The following CYTH3 variants were observed in gnomAD, a reference collection of about 807,000 sequenced individuals.
CYTH3 encodes the protein cytohesin 3, also known as cytohesin-3.
A neutral mutation model predicts 55.1 loss-of-function variants in CYTH3; 23 were observed. That is an observed-to-expected ratio of 0.42 (90% CI 0.30 to 0.59). The LOEUF (loss-of-function observed/expected upper bound fraction) is 0.59, where lower values mean the gene tolerates loss of function less well. Among genes scored for constraint, CYTH3 ranks in the 20% least tolerant of loss-of-function variants. The pLI is 0.20. For synonymous variants in CYTH3, 249 were observed against 194.9 expected (o/e 1.28, Z -2.31); for missense variants, 413 against 524.8 (o/e 0.79, Z 2.08).
At chr7:6,184,228 T>C (rs1783581888) in intron 4 of CYTH3, among the ~76,000 whole-genome samples, 1 of 151,264 alleles carries the variant, frequency 6.6e-6, no homozygotes, top group Non-Finnish European at 1.5e-5. Context: ...ACCCGGCTAA[T>C]TTTTTGTATT....
intron 2 of CYTH3, among the ~76,000 whole-genome samples, chr7:6,189,962 G>A (rs1052564994): frequency 1.1e-4 from 16 of 152,134 alleles, no homozygotes; most frequent in Non-Finnish European, 1.8e-4. Context: ...CGTGAACCCA[G>A]GAGGCAAAGG....
At chr7:6,218,692 C>T (rs889835669) in intron 1 of CYTH3, among the ~76,000 whole-genome samples, 3 of 152,110 alleles carry the variant, frequency 2.0e-5, no homozygotes, top group African/African-American at 4.8e-5. Flanking sequence ...TTAAACAGAT[C>T]ACAGAAATGT....
At chr7:6,182,394 G>A (rs1180705307) in intron 4 of CYTH3, among the ~76,000 whole-genome samples, 1 of 152,164 alleles carries the variant, frequency 6.6e-6, no homozygotes, top group African/African-American at 2.4e-5. Flanking sequence ...TGTTGCCCAG[G>A]CTAGAGTGCA....
At position 6,259,795 on chromosome 7, in the gene CYTH3, ATATATAT is replaced by A. The variant is rs1363988005; in HGVS notation, c.34+12672_34+12678del. ...TATTATATATATATAATATATATAT[ATATATAT>A]ATATATATATAATATATATATATAT... On this transcript the variant is annotated intron_variant, in intron 1 of 12. Transcript: ENST00000350796. Among the ~76,000 whole-genome samples the A allele has an allele frequency of 1.9e-3, 28 of 14,624 alleles. 4 individuals carry two copies. Among genetic ancestry groups the A allele is most frequent in the African/African-American group, 0.015 (24 of 1,630 alleles). 9.6% of individuals were successfully genotyped at this position (14,624 alleles called of 152,430 possible).
chr7:6,213,428 A>C (rs1053744851), intron 1 of CYTH3, among the ~76,000 whole-genome samples: 1 of 152,204 alleles, frequency 6.6e-6, no homozygotes, highest in African/African-American at 2.4e-5. Flanking sequence ...TGTCAATCTT[A>C]AAGTCAAGAG....
chr7:6,216,472 C>T (rs1784428779), intron 1 of CYTH3, among the ~76,000 whole-genome samples: 1 of 152,040 alleles, frequency 6.6e-6, no homozygotes, highest in South Asian at 2.1e-4. Context: ...GGTGCAGTGG[C>T]TCATACCTGT....
intron 1 of CYTH3, among the ~76,000 whole-genome samples, chr7:6,250,495 A>T (rs1779933422): frequency 6.6e-6 from 1 of 152,226 alleles, no homozygotes; most frequent in South Asian, 2.1e-4. Context: ...CCACAGGAGA[A>T]GCACAGACAC....
chr7:6,175,613 T>C (rs1783332661), intron 5 of CYTH3, among the ~76,000 whole-genome samples: 1 of 146,116 alleles, frequency 6.8e-6, no homozygotes, highest in Non-Finnish European at 1.5e-5. Flanking sequence ...AATAACATGA[T>C]TTTGACAAAC....
At position 6,255,646 on chromosome 7, in the gene CYTH3, C is replaced by A. The variant is rs185771236; in HGVS notation, c.34+16828G>T. Among the ~76,000 whole-genome samples, 295 of 151,686 alleles carry A rather than the reference C, an allele frequency of 1.9e-3. 1 individual carries two copies. The highest frequency in any genetic ancestry group is 6.4e-3 in the African/African-American group (266 of 41,348). ...GGAGGGAGGGATATGTTGGGGACAT[C>A]AGGAGAAAACAGCTTCTACTTCAAG... On this transcript the variant is annotated intron_variant, in intron 1 of 12. Transcript: ENST00000350796.
intron 1 of CYTH3, among the ~76,000 whole-genome samples, chr7:6,263,054 C>G (rs557685548): frequency 2.0e-5 from 3 of 152,118 alleles, no homozygotes; most frequent in Admixed American, 2.0e-4. Flanking sequence ...TATTTGATTC[C>G]TACAGTTTCT....
At chr7:6,198,834 G>C (rs1327945333) in intron 1 of CYTH3, among the ~76,000 whole-genome samples, 1 of 150,892 alleles carries the variant, frequency 6.6e-6, no homozygotes, top group Non-Finnish European at 1.5e-5. Flanking sequence ...AATCTCTAAA[G>C]CTGGTTGAAT....
intron 1 of CYTH3, among the ~76,000 whole-genome samples, chr7:6,239,142 G>T (rs529335078): frequency 6.6e-6 from 1 of 152,280 alleles, no homozygotes; most frequent in African/African-American, 2.4e-5. Context: ...TGAGCCAGGA[G>T]TTGGAGGCTG....
chr7:6,203,224 C>T lies in CYTH3; in HGVS notation c.35-12693G>A, dbSNP rs567989932. Among the ~76,000 whole-genome samples, 3 of 151,496 alleles carry T rather than the reference C, an allele frequency of 2.0e-5. No homozygotes were observed. The South Asian group carries it at 6.3e-4, about 32-fold the overall frequency. On this transcript the variant is annotated intron_variant, in intron 1 of 12. Transcript: ENST00000350796. The stretch of plus-strand genomic sequence containing the variant: ...AAAAAAAAAATGTTGAAGATCTTAC[C>T]AACACAATAGCAAGCTTGATTTAAT...
chr7:6,237,304 G>C (rs1428365429), intron 1 of CYTH3, among the ~76,000 whole-genome samples: 1 of 152,170 alleles, frequency 6.6e-6, no homozygotes, highest in South Asian at 2.1e-4. Context: ...AGTTTTCAGA[G>C]GACAGCTCAC....
At chr7:6,189,246 C>T (rs1783736699) in intron 2 of CYTH3, among the ~76,000 whole-genome samples, 3 of 152,146 alleles carry the variant, frequency 2.0e-5, no homozygotes, top group Admixed American at 1.3e-4. Flanking sequence ...TCTACCCCAT[C>T]CTCTGAGTAA....
At chr7:6,257,795 G>C (rs973085660) in intron 1 of CYTH3, among the ~76,000 whole-genome samples, 4 of 152,170 alleles carry the variant, frequency 2.6e-5, no homozygotes, top group Non-Finnish European at 4.4e-5. Context: ...GTACACTGCT[G>C]TTCAATCATT....
chr7:6,210,012 T>A (rs1390724733), intron 1 of CYTH3, among the ~76,000 whole-genome samples: 3 of 152,152 alleles, frequency 2.0e-5, no homozygotes, highest in African/African-American at 7.2e-5. Context: ...GTGAAACTCT[T>A]CTGTATGATA....
intron 5 of CYTH3, 71 bp from the exon 6 acceptor site, chr7:6,173,804 G>A (rs1159290810): frequency 2.1e-5 from 19 of 891,696 alleles, no homozygotes; most frequent in Non-Finnish European, 3.0e-5. Flanking sequence ...TGCGGCTGAT[G>A]AATAATGTGG....
At chr7:6,207,728 C>A (rs374777925) in intron 1 of CYTH3, among the ~76,000 whole-genome samples, 2 of 151,906 alleles carry the variant, frequency 1.3e-5, no homozygotes, top group African/African-American at 4.8e-5. Context: ...GGCAGGCAGA[C>A]TGCTTGAGTT....
Sources: allele counts gnomAD v4.1 joint callset (sites outside exome capture counted in the v4.1 genomes callset), GRCh38; gene constraint gnomAD v4.1.1; transcripts MANE v1.5; gene names NCBI Gene and HGNC (gene_info 2026-07-23, HGNC 2026-07-21).